The following KNDC1 variants were observed in gnomAD, a reference collection of about 807,000 sequenced individuals.
The protein encoded by KNDC1 is kinase non-catalytic C-lobe domain containing 1.
A neutral mutation model predicts 172.8 loss-of-function variants in KNDC1; 106 were observed. The observed-to-expected ratio is 0.61, with a 90% CI of 0.52 to 0.72. KNDC1 has a LOEUF of 0.72. Among genes scored for constraint, KNDC1 ranks in the 30% least tolerant of loss-of-function variants. KNDC1 has a pLI of 0.00. For missense variants in KNDC1, 2,325 were observed against 2,394.5 expected (o/e 0.97, Z 0.61); for synonymous variants, 1,083 against 1,062.2 (o/e 1.02, Z -0.38).
chr10:133,177,386 A>T (rs1004117084), intron 3 of KNDC1, among the ~76,000 whole-genome samples: 6 of 152,148 alleles, frequency 3.9e-5, no homozygotes, highest in African/African-American at 1.4e-4. Context: ...ACACGTATGC[A>T]GTATGGTGTG....
rs1423782399 is a variant in KNDC1 at position 133,186,298 on chromosome 10, A to G, written c.950A>G (p.Glu317Gly). The G allele has an allele frequency of 7.4e-6, 12 of 1,611,820 alleles. No homozygotes were observed. The highest frequency in any genetic ancestry group is 2.2e-5 in the South Asian group (2 of 90,942). Residue 317 changes from glutamate (E) to glycine (G), a missense_variant, in exon 6 of 30, where the codon GAG becomes GGG. Coordinates refer to ENST00000304613, the MANE Select transcript of KNDC1 (RefSeq NM_152643.8). ...TFPRLLSDSP[E>G]ATLCLPLTRG... ...CCTAGGCTGCTGTCCGACAGCCCCG[A>G]GGCCACCCTCTGCCTGCCGCTGACC...
intron 1 of KNDC1, among the ~76,000 whole-genome samples, chr10:133,165,024 C>T (rs1045898334): frequency 6.6e-6 from 1 of 152,182 alleles, no homozygotes; most frequent in African/African-American, 2.4e-5. Flanking sequence ...GCAGGTGACC[C>T]GGGGCCCAGA....
intron 26 of KNDC1, among the ~76,000 whole-genome samples, chr10:133,217,060 G>A (rs1476790042): frequency 6.6e-6 from 1 of 152,274 alleles, no homozygotes; most frequent in East Asian, 1.9e-4. Context: ...CGGGGACCGA[G>A]TTTCCGTTTG....
chr10:133,192,083 G>C (rs564716767), intron 9 of KNDC1, among the ~76,000 whole-genome samples: 2 of 152,332 alleles, frequency 1.3e-5, no homozygotes, highest in African/African-American at 4.8e-5. Flanking sequence ...ACTGCCCAAA[G>C]CAATCCGCAG....
chr10:133,219,395 C>T (rs1193425235), intron 28 of KNDC1, among the ~76,000 whole-genome samples: 6 of 152,200 alleles, frequency 3.9e-5, no homozygotes, highest in Admixed American at 1.3e-4. Context: ...CCGACCTGGA[C>T]CTCCTCCAGG....
chr10:133,191,093 A>C lies in KNDC1; in HGVS notation c.1575+1280A>C, dbSNP rs1411321577. On this transcript the variant is annotated intron_variant, in intron 9 of 29. Transcript: ENST00000304613. ...GTGACTCACGCCTGTAATTCCAGCA[A>C]TTTGGGAGGCCAAGGCGGGCAGATC... 3.9e-5 allele frequency among the ~76,000 whole-genome samples: 6 copies of C among 152,196 alleles called. No homozygotes were observed. In the South Asian group the frequency reaches 1.0e-3, roughly 26 times the overall value.
chr10:133,206,882 A>C lies in KNDC1; in HGVS notation c.3508A>C (p.Lys1170Gln). 11 of 1,614,112 alleles carry C rather than the reference A, an allele frequency of 6.8e-6. No individual in the cohort carries two copies. The highest frequency in any genetic ancestry group is 5.9e-6 in the Non-Finnish European group (7 of 1,180,000). The part of the protein sequence containing the change: ...KGSDVKTMLS[K>Q]LKGQLEEMKS... ...TTCCGACGTCAAGACCATGCTGTCC[A>C]AGCTGAAAGGGCAGCTAGAAGAAAT... Residue 1170 changes from lysine (K) to glutamine (Q), a missense_variant, in exon 19 of 30, where the codon AAG (lysine) becomes CAG (glutamine). Physicochemically the swap from Lys to Gln is moderately conservative, Grantham distance 53. Transcript: ENST00000304613.
chr10:133,164,160 G>A (rs1188554352), intron 1 of KNDC1: 2 of 152,604 alleles, frequency 1.3e-5, no homozygotes, highest in Non-Finnish European at 2.9e-5. Flanking sequence ...TTGCAAAGTG[G>A]GGACCAGTCT....
intron 10 of KNDC1, among the ~76,000 whole-genome samples, chr10:133,196,584 C>T (rs1440306199): frequency 6.6e-6 from 1 of 152,174 alleles, no homozygotes; most frequent in Non-Finnish European, 1.5e-5. Flanking sequence ...TCTCAGGCCT[C>T]CTCTGCTGCA....
intron 2 of KNDC1, among the ~76,000 whole-genome samples, 179 bp downstream of exon 2, chr10:133,167,758 G>A (rs984969917): frequency 4.6e-5 from 7 of 152,174 alleles, no homozygotes; most frequent in Non-Finnish European, 7.4e-5. Flanking sequence ...CCGAGGGTCC[G>A]TGGGGGTGCC....
rs748100483 is a variant in KNDC1, at chr10:133,186,255, C to T, written c.907C>T (p.Arg303Trp). ...DRDALRRSRLRKVQTFPRLLS... is the reference protein window; with the variant it reads ...DRDALRRSRLWKVQTFPRLLS... ...AGACGCCCTCAGGAGAAGCCGCCTG[C>T]GGAAGGTGCAGACGTTCCCTAGGCT... is the stretch of plus-strand genomic sequence containing the variant. Residue 303 changes from arginine to tryptophan, a missense_variant, in exon 6 of 30, where the codon CGG (arginine) becomes TGG (tryptophan). Transcript: ENST00000304613. 1.4e-5 allele frequency: 22 copies of T among 1,600,796 alleles called. No homozygotes were observed. The highest frequency in any genetic ancestry group is 1.7e-4 in the Middle Eastern group (1 of 6,022).
At chr10:133,179,673 C>T (rs999477691) in intron 3 of KNDC1, among the ~76,000 whole-genome samples, 3 of 152,232 alleles carry the variant, frequency 2.0e-5, no homozygotes, top group Admixed American at 6.5e-5. Flanking sequence ...ACTTCACGTG[C>T]GTGGCCAGGC....
rs192822273 is a variant in KNDC1, at chr10:133,224,478, G to A, written c.5019-181G>A. ...TGGATGGATGGACAGTCAGACAGAC[G>A]GAAAGGTCTGAGTAGTGACCTTTCC... On this transcript the variant is annotated intron_variant, in intron 29 of 29. Coordinates refer to ENST00000304613, the MANE Select transcript of KNDC1 (RefSeq NM_152643.8). This position sits in a 1 kb window ranked among gnomAD's most constrained non-coding sequence, Gnocchi z 5.4. Among the ~76,000 whole-genome samples, 119 of 152,228 alleles carry A rather than the reference G, an allele frequency of 7.8e-4. No individual in the cohort carries two copies. The highest frequency in any genetic ancestry group is 1.1e-3 in the Non-Finnish European group (77 of 68,012).
chr10:133,171,444 A>T (rs988662699), intron 3 of KNDC1, among the ~76,000 whole-genome samples: 2 of 151,908 alleles, frequency 1.3e-5, no homozygotes, highest in East Asian at 1.9e-4. Context: ...CTAATTTTTT[A>T]AAATTTTTAT....
chr10:133,220,211 G>A (rs563178041), intron 29 of KNDC1, 99 bp downstream of exon 29: 18 of 749,294 alleles, frequency 2.4e-5, no homozygotes, highest in African/African-American at 1.7e-4. Flanking sequence ...GCGCCCAGGA[G>A]AGGAGGGGCT....
At chr10:133,222,266 GA>G (rs1845612373) in intron 29 of KNDC1, among the ~76,000 whole-genome samples, 1 of 131,896 alleles carries the variant, frequency 7.6e-6, no homozygotes, top group African/African-American at 2.8e-5. Context: ...CTGGGCGATA[GA>G]GCGAGACTCC....
At position 133,224,684 on chromosome 10, in the gene KNDC1, G is replaced by A; in HGVS notation, c.5044G>A (p.Val1682Met). ...GAACATCGCAAAGGTGGTGAGCCAG[G>A]TGCACGCGTTCCAGGAGAACCCTTA... is the stretch of plus-strand genomic sequence containing the variant. ...LRNIAKVVSQ[V>M]HAFQENPYTF... Residue 1682 changes from valine (V) to methionine (M), a missense_variant, in exon 30 of 30, where the codon GTG becomes ATG. Coordinates refer to ENST00000304613, the MANE Select transcript of KNDC1 (RefSeq NM_152643.8). The surrounding 1 kb of genome is among the most constrained non-coding windows in gnomAD (Gnocchi z 5.4). The A allele has an allele frequency of 6.2e-7, 1 of 1,614,060 alleles. No homozygotes were observed. Among genetic ancestry groups the A allele is most frequent in the Non-Finnish European group, 8.5e-7 (1 of 1,180,006 alleles).
In KNDC1 at chr10:133,173,491, ATT is replaced by A. The variant is rs5789153; in HGVS notation, c.360+5189_360+5190del. On this transcript the variant is annotated intron_variant, in intron 3 of 29. Transcript: ENST00000304613. Reference sequence around the variant, plus strand: ...ATGTTTGCATGATCATTTCCTTCTAATTTTTTTTTTTATTTCCACTGGGATTT... The same window carrying A: ...ATGTTTGCATGATCATTTCCTTCTAATTTTTTTTTATTTCCACTGGGATTT... Among the ~76,000 whole-genome samples the A allele has an allele frequency of 4.8e-3, 721 of 151,472 alleles. 4 individuals carry two copies. Among genetic ancestry groups the A allele is most frequent in the African/African-American group, 0.016 (660 of 41,324 alleles).
chr10:133,189,482 C>A, intron 7 of KNDC1, 116 bp from the exon 8 acceptor site: 1 of 971,360 alleles, frequency 1.0e-6, no homozygotes, highest in Non-Finnish European at 1.6e-6. Flanking sequence ...CGTGCCCGTG[C>A]AATGGGGAGG....
Sources: gnomAD v4.1 joint callset for allele counts (sites outside exome capture counted in the v4.1 genomes callset) on GRCh38, gnomAD v4.1.1 for gene constraint, Gnocchi (gnomAD v3.1) non-coding constraint, MANE v1.5 for transcripts, NCBI Gene and HGNC (gene_info 2026-07-23, HGNC 2026-07-21) for gene names.